Variants in RPN1 observed in about 807,000 individuals in gnomAD.
The protein encoded by RPN1 is dolichyl-diphosphooligosaccharide--protein glycosyltransferase subunit 1.
Under a neutral mutation model 55.5 loss-of-function variants are expected in RPN1, and 12 were observed. That is an observed-to-expected ratio of 0.22 (90% CI 0.14 to 0.35). The LOEUF is 0.35. Ranked by LOEUF, RPN1 falls within the 10% of genes least tolerant of loss-of-function variation. The pLI is 1.00. For synonymous variants in RPN1, 317 were observed against 305.9 expected (o/e 1.04, Z -0.38); for missense variants, 679 against 761.3 (o/e 0.89, Z 1.27).
rs397803037 is a variant in RPN1 at position 128,646,222 on chromosome 3, CAAAAAAAAAAA to C, written c.262-1250_262-1240del. Among the ~76,000 whole-genome samples, 11 of 67,682 alleles carry C rather than the reference CAAAAAAAAAAA, an allele frequency of 1.6e-4. 1 individual carries two copies. In the East Asian group the frequency reaches 4.7e-3, roughly 29 times the overall value. 44.4% of individuals were successfully genotyped at this position (67,682 alleles called of 152,430 possible). The stretch of plus-strand genomic sequence containing the variant: ...TGGTCGACAGAGTGAGACTCCGTCT[CAAAAAAAAAAA>C]AAAAAAAAAAAGTCTCATGGGTTTT... On this transcript the variant is annotated intron_variant, in intron 1 of 9. Coordinates refer to ENST00000296255, the MANE Select transcript of RPN1 (RefSeq NM_002950.4).
intron 8 of RPN1, among the ~76,000 whole-genome samples, chr3:128,622,693 G>A (rs969793214): frequency 2.0e-5 from 3 of 151,980 alleles, no homozygotes; most frequent in African/African-American, 7.3e-5. Context: ...AGGAGTTCAA[G>A]ACCAGCCTGA....
intron 1 of RPN1, 70 bp from the exon 2 acceptor site, chr3:128,645,053 A>G (rs1361407465): frequency 5.7e-6 from 5 of 884,764 alleles, no homozygotes; most frequent in Non-Finnish European, 9.6e-6. Flanking sequence ...TAATTAACCA[A>G]GTGCTTTAGA....
At chr3:128,636,202 T>C (rs944779815) in intron 3 of RPN1, among the ~76,000 whole-genome samples, 4 of 152,176 alleles carry the variant, frequency 2.6e-5, no homozygotes, top group Non-Finnish European at 4.4e-5. Flanking sequence ...GACTCACACC[T>C]GCTATCACAG....
chr3:128,650,285 G>C (rs1267692046), intron 1 of RPN1, among the ~76,000 whole-genome samples: 1 of 152,166 alleles, frequency 6.6e-6, no homozygotes, highest in Non-Finnish European at 1.5e-5. Flanking sequence ...CGACCCGCGC[G>C]GGGGCAGGCC....
At chr3:128,621,188 C>T (rs2069556033) in intron 9 of RPN1, among the ~76,000 whole-genome samples, 1 of 152,212 alleles carries the variant, frequency 6.6e-6, no homozygotes, top group Non-Finnish European at 1.5e-5. Context: ...ATAATTAACA[C>T]TTAAGTAGAA....
chr3:128,644,451 C>T, intron 2 of RPN1: 1 of 306,674 alleles, frequency 3.3e-6, no homozygotes, highest in South Asian at 2.7e-5. Context: ...CAAGACCAGC[C>T]TGGGTGACAT....
Position 128,646,278 on chromosome 3 carries a change from T to G in RPN1, c.262-1295A>C, listed in dbSNP as rs553176084. On this transcript the variant is annotated intron_variant, in intron 1 of 9. Transcript: ENST00000296255. The stretch of plus-strand genomic sequence containing the variant: ...GGTTTTTATTTTTGTAGAGACAAGA[T>G]CTCCCTATGTTGCCCAGACTGGTTT... 3.4e-5 allele frequency among the ~76,000 whole-genome samples: 5 copies of G among 144,990 alleles called. No individual in the cohort carries two copies. The South Asian group carries it at 1.1e-3, about 32-fold the overall frequency.
chr3:128,622,070 G>A (rs2069563866), intron 9 of RPN1, 94 bp downstream of exon 9: 6 of 1,242,988 alleles, frequency 4.8e-6, no homozygotes, highest in Non-Finnish European at 6.9e-6. Flanking sequence ...CAAGCATGCA[G>A]GTAAGCAAGA....
intron 5 of RPN1, chr3:128,627,055 C>A: frequency 5.7e-6 from 3 of 530,868 alleles, no homozygotes; most frequent in East Asian, 3.2e-5. Context: ...AAGACCTTCA[C>A]GTTATCAGTG....
intron 3 of RPN1, among the ~76,000 whole-genome samples, chr3:128,636,876 C>T (rs1240541663): frequency 6.6e-6 from 1 of 152,078 alleles, no homozygotes; most frequent in Non-Finnish European, 1.5e-5. Context: ...TCTAAAATAC[C>T]CATATTTTTT....
chr3:128,641,147 C>T (rs1356883917), intron 2 of RPN1: 4 of 151,428 alleles, frequency 2.6e-5, no homozygotes, highest in African/African-American at 9.7e-5. Context: ...AATGGGAGAA[C>T]ATTGTGTGAA....
intron 8 of RPN1, among the ~76,000 whole-genome samples, chr3:128,623,687 T>C (rs748102226): frequency 7.2e-5 from 11 of 151,884 alleles, no homozygotes; most frequent in Non-Finnish European, 1.3e-4. Flanking sequence ...GTCAGCAAAA[T>C]TATGGACTGG....
intron 2 of RPN1, among the ~76,000 whole-genome samples, chr3:128,640,726 C>T (rs1234977236): frequency 6.6e-6 from 1 of 152,266 alleles, no homozygotes; most frequent in Admixed American, 6.5e-5. Context: ...GTCCCCAATA[C>T]CTGGGCAATC....
rs188507124 is a variant in RPN1 at position 128,620,492 on chromosome 3, C to A, written c.1743G>T (p.Thr581=). 3.1e-6 allele frequency: 5 copies of A among 1,614,064 alleles called. No homozygotes were observed. In the African/African-American group the frequency reaches 6.7e-5, roughly 22 times the overall value. ...RLVAGKLKKD[T]YIENEKLISG... The stretch of plus-strand genomic sequence containing the variant: ...AGATGAGCTTCTCATTCTCAATGTA[C>A]GTGTCTTTCTTGAGCTTGCCAGCCA... Residue 581 remains threonine (T), a synonymous_variant, in exon 10 of 10, where the codon ACG becomes ACT. Transcript: ENST00000296255.
rs149452435 is a variant in RPN1 at position 128,624,761 on chromosome 3, G to A, written c.1395+773C>T. Among the ~76,000 whole-genome samples the A allele has an allele frequency of 5.7e-4, 87 of 151,574 alleles. 1 individual carries two copies. Among genetic ancestry groups the A allele is most frequent in the Middle Eastern group, 6.9e-3 (2 of 288 alleles). On this transcript the variant is annotated intron_variant, in intron 8 of 9. Transcript: ENST00000296255. ...GGCTGAGGCAGAATCGCTCGAACCCGGGAGGCAGAGGTTGCAGTGAATGGA... is the reference window on the plus strand; with the variant it reads ...GGCTGAGGCAGAATCGCTCGAACCCAGGAGGCAGAGGTTGCAGTGAATGGA...
chr3:128,635,324 CAG>C (rs1481696106), intron 3 of RPN1, among the ~76,000 whole-genome samples: 1 of 150,386 alleles, frequency 6.6e-6, no homozygotes, highest in African/African-American at 2.4e-5. Flanking sequence ...TTTTTGGAGA[CAG>C]AGTCTTGCTC....
intron 1 of RPN1, among the ~76,000 whole-genome samples, chr3:128,650,289 G>A (rs762690826): frequency 5.2e-4 from 79 of 152,190 alleles, no homozygotes; most frequent in Non-Finnish European, 1.0e-3. Flanking sequence ...CCGCGCGGGG[G>A]CAGGCCGGTG....
rs1444997626 is a variant in RPN1, at chr3:128,637,851, G to A, written c.581C>T (p.Ser194Phe). Residue 194 changes from serine (S) to phenylalanine (F), a missense_variant, in exon 3 of 10, where the codon TCT becomes TTT. This residue lies in a region of RPN1 where 352 missense variants were observed against 352.8 expected (regional missense o/e 1.00). Transcript: ENST00000296255. ...AGGCCCATAATCCAGTAGGTCCTCA[G>A]AGCGCGTGGGGTTCCCCAGCTTGGT... ...SYTKLGNPTR[S>F]EDLLDYGPFR... 6.2e-7 allele frequency: 1 copy of A among 1,613,914 alleles called. No individual in the cohort carries two copies. The highest frequency in any genetic ancestry group is 2.2e-5 in the East Asian group (1 of 44,890).
chr3:128,643,206 A>G (rs1346283432), intron 2 of RPN1, among the ~76,000 whole-genome samples: 1 of 150,874 alleles, frequency 6.6e-6, no homozygotes, highest in Non-Finnish European at 1.5e-5. Context: ...GGACGCCTAT[A>G]ATCCCAGTTA....
Sources: gnomAD v4.1 joint callset for allele counts (sites outside exome capture counted in the v4.1 genomes callset) on GRCh38, gnomAD v4.1.1 for gene constraint, gnomAD v4.1.1 regional missense constraint, MANE v1.5 for transcripts, NCBI Gene and HGNC (gene_info 2026-07-23, HGNC 2026-07-21) for gene names.